The following IQSEC1 variants were observed in gnomAD, a reference collection of about 807,000 sequenced individuals.
The protein encoded by IQSEC1 is IQ motif and Sec7 domain ArfGEF 1, also known as IQ motif and SEC7 domain-containing protein 1.
IQSEC1 carries 31 observed loss-of-function variants against 91.0 expected under a neutral mutation model. The observed-to-expected ratio is 0.34, with a 90% CI of 0.26 to 0.46. The LOEUF (loss-of-function observed/expected upper bound fraction) is 0.46, where lower values mean the gene tolerates loss of function less well. Among genes scored for constraint, IQSEC1 ranks in the 20% least tolerant of loss-of-function variants. The pLI, the probability that IQSEC1 is intolerant of heterozygous loss-of-function variation, is 1.00. For synonymous variants in IQSEC1, 699 were observed against 662.6 expected, an observed-to-expected ratio of 1.05 and a Z score of -0.84; for missense variants, 1,388 against 1,575.6, an observed-to-expected ratio of 0.88 and a Z score of 2.02.
intron 10 of IQSEC1, among the ~76,000 whole-genome samples, chr3:12,910,293 C>T (rs1026223778): frequency 6.6e-6 from 1 of 152,260 alleles, no homozygotes; most frequent in Non-Finnish European, 1.5e-5. Context: ...GCAGGCTTGG[C>T]TCTTGCCAGC....
At chr3:13,076,026 C>A (rs530034964), upstream of IQSEC1, among the ~76,000 whole-genome samples, 21 of 152,296 alleles carry the variant, frequency 1.4e-4, no homozygotes, top group African/African-American at 4.8e-4. Context: ...AGCCTGTGGT[C>A]GTGAGAGGGT....
At chr3:12,953,648 G>A (rs543054298) in intron 1 of IQSEC1, among the ~76,000 whole-genome samples, 7 of 152,326 alleles carry the variant, frequency 4.6e-5, no homozygotes, top group South Asian at 2.1e-4. Flanking sequence ...AGCAGTCAGC[G>A]TACAGGGGGC....
rs190842919 is a variant in IQSEC1, at chr3:12,937,407, C to T, written c.319-710G>A. On this transcript the variant is annotated intron_variant, in intron 2 of 13. Transcript: ENST00000613206. The stretch of plus-strand genomic sequence containing the variant: ...ATAGGCTAAAGATCCCAGCAAGGCC[C>T]ACAGGCTTCTGGACTCATTTCCTTT... Among the ~76,000 whole-genome samples, 12 of 152,346 alleles carry T rather than the reference C, an allele frequency of 7.9e-5. No individual in the cohort carries two copies. In the East Asian group the frequency reaches 2.1e-3, roughly 27 times the overall value.
rs111657555 is a variant in IQSEC1 at position 12,975,041 on chromosome 3, G to A, written c.24-33176C>T. ...AGTTACTCTGCTTCCCAGGGCCTCAGCATCTTCAGCCTCAAAGTGGGGACA... is the reference window on the plus strand; with the variant it reads ...AGTTACTCTGCTTCCCAGGGCCTCAACATCTTCAGCCTCAAAGTGGGGACA... On this transcript the variant is annotated intron_variant, in intron 1 of 13. Coordinates refer to ENST00000613206, the MANE Select transcript of IQSEC1 (RefSeq NM_001134382.3). Among the ~76,000 whole-genome samples the A allele has an allele frequency of 6.8e-3, 1,035 of 152,362 alleles. 16 individuals carry two copies. Among genetic ancestry groups the A allele is most frequent in the African/African-American group, 0.024 (977 of 41,574 alleles).
At chr3:13,179,317 A>G (rs1010946061) in intron 1 of IQSEC1, among the ~76,000 whole-genome samples, 2 of 152,248 alleles carry the variant, frequency 1.3e-5, no homozygotes, top group Non-Finnish European at 1.5e-5. Context: ...AAAACCAAAC[A>G]AAACATTCAA....
At chr3:13,197,193 G>A (rs544985042) in intron 1 of IQSEC1, among the ~76,000 whole-genome samples, 19 of 152,328 alleles carry the variant, frequency 1.2e-4, no homozygotes, top group Admixed American at 2.0e-4. Flanking sequence ...GAAGGTCAGG[G>A]ATGCACATGA....
At chr3:13,097,889 C>T (rs149293774) in intron 2 of IQSEC1, among the ~76,000 whole-genome samples, 29 of 152,354 alleles carry the variant, frequency 1.9e-4, no homozygotes, top group Middle Eastern at 6.8e-3. Flanking sequence ...TCATGACCAG[C>T]TCAGTGGTAT....
chr3:13,147,091 C>T (rs1230743287), intron 2 of IQSEC1, among the ~76,000 whole-genome samples: 4 of 152,218 alleles, frequency 2.6e-5, no homozygotes, highest in Non-Finnish European at 4.4e-5. Context: ...AAGGTAATGG[C>T]AGGAGAGCCC....
intron 2 of IQSEC1, among the ~76,000 whole-genome samples, chr3:13,140,754 G>A (rs980778672): frequency 6.6e-6 from 1 of 152,180 alleles, no homozygotes; most frequent in Non-Finnish European, 1.5e-5. Context: ...TGCAGGGCTG[G>A]CCTGGGGGTG....
At chr3:13,117,751 A>C (rs2124883311) in intron 2 of IQSEC1, among the ~76,000 whole-genome samples, 1 of 151,140 alleles carries the variant, frequency 6.6e-6, no homozygotes, top group East Asian at 2.0e-4. Flanking sequence ...CGGGCGTGGT[A>C]GAGTGCACCT....
chr3:13,097,343 C>T (rs945658730), intron 2 of IQSEC1, among the ~76,000 whole-genome samples: 6 of 152,208 alleles, frequency 3.9e-5, no homozygotes, highest in African/African-American at 1.4e-4. Context: ...CTTTTTCCCT[C>T]CCTGCTTCCA....
chr3:13,255,186 C>T (rs1024230045), intron 1 of IQSEC1, among the ~76,000 whole-genome samples: 5 of 152,218 alleles, frequency 3.3e-5, no homozygotes, highest in Admixed American at 6.5e-5. Context: ...TGGCTGACCA[C>T]CCCCCAGCAC....
At chr3:13,099,025 T>C (rs1369287962) in intron 2 of IQSEC1, among the ~76,000 whole-genome samples, 1 of 152,206 alleles carries the variant, frequency 6.6e-6, no homozygotes, top group African/African-American at 2.4e-5. Context: ...GACATTGGGA[T>C]AAGAGGACTT....
Position 12,914,091 on chromosome 3 carries a change from A to G in IQSEC1, c.2191-538T>C, listed in dbSNP as rs1695835941. Among the ~76,000 whole-genome samples the G allele has an allele frequency of 1.3e-5, 2 of 152,222 alleles. 1 individual carries two copies. Among genetic ancestry groups the G allele is most frequent in the South Asian group, 4.1e-4 (2 of 4,832 alleles). ...TTTTCCCACCCAACCAAGCCTCCCCATAAAAGATTCCTATGGTCCTGATGC... is the reference window on the plus strand; with the variant it reads ...TTTTCCCACCCAACCAAGCCTCCCCGTAAAAGATTCCTATGGTCCTGATGC... On this transcript the variant is annotated intron_variant, in intron 8 of 13. Coordinates refer to ENST00000613206, the MANE Select transcript of IQSEC1 (RefSeq NM_001134382.3).
At chr3:13,261,176 C>T (rs1695379619) in intron 1 of IQSEC1, among the ~76,000 whole-genome samples, 1 of 152,218 alleles carries the variant, frequency 6.6e-6, no homozygotes, top group South Asian at 2.1e-4. Flanking sequence ...GTTCCCTGTC[C>T]CCGCCTGCCA....
intron 1 of IQSEC1, among the ~76,000 whole-genome samples, chr3:13,029,799 G>T (rs1703774421): frequency 6.6e-6 from 1 of 152,200 alleles, no homozygotes; most frequent in Admixed American, 6.5e-5. Context: ...GCAGCACCCT[G>T]GGCTGGGTCC....
intron 1 of IQSEC1, among the ~76,000 whole-genome samples, chr3:13,270,859 T>C (rs1330642347): frequency 2.0e-5 from 3 of 152,152 alleles, no homozygotes; most frequent in Non-Finnish European, 4.4e-5. Flanking sequence ...GAATGGATAA[T>C]AGAAAACATA....
At position 13,211,503 on chromosome 3, in the gene IQSEC1, C is replaced by G. The variant is rs548528285; in HGVS notation, c.273-47370G>C. Among the ~76,000 whole-genome samples, 1 of 152,248 alleles carries G rather than the reference C, an allele frequency of 6.6e-6. No homozygotes were observed. The highest frequency in any genetic ancestry group is 2.1e-4 in the South Asian group (1 of 4,816). ...GTCTCGGCTCTTCAGGCATCCACCC[C>G]CAAGTCCCCTTTTGGGAGCAGTGTC... On this transcript the variant is annotated intron_variant, in intron 1 of 15. Transcript: ENST00000648114. This position sits in a 1 kb window ranked among gnomAD's most constrained non-coding sequence, Gnocchi z 5.3.
intron 1 of IQSEC1, among the ~76,000 whole-genome samples, chr3:13,194,862 G>A (rs1252760979): frequency 2.6e-5 from 4 of 152,082 alleles, no homozygotes; most frequent in African/African-American, 4.8e-5. Context: ...GTGGATCATC[G>A]GCTTAAATGG....
Sources: allele counts gnomAD v4.1 joint callset (sites outside exome capture counted in the v4.1 genomes callset), GRCh38; gene constraint gnomAD v4.1.1; non-coding constraint Gnocchi (gnomAD v3.1); transcripts MANE v1.5; gene names NCBI Gene and HGNC (gene_info 2026-07-23, HGNC 2026-07-21).